DYM: variants seen among roughly 807,000 people sequenced by gnomAD.
DYM encodes the protein dymeclin.
A neutral mutation model predicts 93.1 loss-of-function variants in DYM; 78 were observed. The observed-to-expected ratio is 0.84, with a 90% confidence interval of 0.70 to 1.01. The LOEUF (loss-of-function observed/expected upper bound fraction) is 1.01. Among genes scored for constraint, DYM ranks in the 50% least tolerant of loss-of-function variants. DYM has a pLI of 0.00. For missense variants in DYM, 789 were observed against 845.0 expected (o/e 0.93, Z 0.82); for synonymous variants, 321 against 319.7 (o/e 1.00, Z -0.04).
At chr18:49,433,180 A>C (rs187909580) in intron 1 of DYM, among the ~76,000 whole-genome samples, 51 of 152,338 alleles carry the variant, frequency 3.3e-4, no homozygotes, top group Admixed American at 3.3e-3. Flanking sequence ...CCAGGAGAAG[A>C]AAGCATAGAA....
At chr18:49,249,944 A>G (rs536687406) in intron 13 of DYM, among the ~76,000 whole-genome samples, 19 of 152,350 alleles carry the variant, frequency 1.2e-4, no homozygotes, top group Non-Finnish European at 2.4e-4. Context: ...AACCTAATCT[A>G]TACTTTGTAT....
chr18:49,407,040 T>C lies in DYM; in HGVS notation c.141-15395A>G, dbSNP rs544813341. On this transcript the variant is annotated intron_variant, in intron 2 of 17. Transcript: ENST00000675505. ...AAAAGGAATGAACAAGTGAGATCCA[T>C]AACAACTTCAATGGATTTCAAGACA... Among the ~76,000 whole-genome samples, 4 of 152,292 alleles carry C rather than the reference T, an allele frequency of 2.6e-5. No homozygotes were observed. The South Asian group carries it at 8.3e-4, about 32-fold the overall frequency.
chr18:49,359,848 A>ATT lies in DYM; in HGVS notation c.494+3311_494+3312dup, dbSNP rs1374888954. The ATT allele has an allele frequency of 2.0e-5, 3 of 152,214 alleles. No individual in the cohort carries two copies. In the East Asian group the frequency reaches 5.8e-4, roughly 29 times the overall value. 9.4% of individuals were successfully genotyped at this position (152,214 alleles called of 1,614,324 possible). A position where few individuals can be genotyped will look rare whatever the true frequency, so the allele number is the denominator to read the frequency against. ...GTGAGAGCATTCGTGGTTTGCATAT[A>ATT]TTCCTATTTCCTCTTAAATTATACA... On this transcript the variant is annotated intron_variant, in intron 6 of 17. Transcript: ENST00000675505.
intron 14 of DYM, among the ~76,000 whole-genome samples, chr18:49,176,574 C>CTTTTTTTT (rs36121103): frequency 1.0e-5 from 1 of 99,438 alleles, no homozygotes; most frequent in Non-Finnish European, 2.0e-5. Flanking sequence ...CCAAGCCTGG[C>CTTTTTTTT]TTTTTTTTTT....
chr18:49,421,213 T>C (rs891144517), intron 2 of DYM, among the ~76,000 whole-genome samples: 3 of 152,236 alleles, frequency 2.0e-5, no homozygotes, highest in Non-Finnish European at 4.4e-5. Context: ...AGTGGGTCCC[T>C]GACCCCTGAG....
chr18:49,390,192 G>A (rs575505192), intron 3 of DYM, among the ~76,000 whole-genome samples: 7 of 152,316 alleles, frequency 4.6e-5, no homozygotes, highest in South Asian at 2.1e-4. Context: ...GGGGTCCAAG[G>A]TAGGAGGAGG....
intron 13 of DYM, among the ~76,000 whole-genome samples, chr18:49,229,563 C>G (rs1178811456): frequency 6.6e-6 from 1 of 152,094 alleles, no homozygotes; most frequent in Non-Finnish European, 1.5e-5. Flanking sequence ...CAAATTAAAA[C>G]CATGAGTGAG....
chr18:49,377,306 T>C (rs1022073395), intron 5 of DYM, among the ~76,000 whole-genome samples: 7 of 152,200 alleles, frequency 4.6e-5, no homozygotes, highest in Non-Finnish European at 5.9e-5. Flanking sequence ...ATGCCTGTAA[T>C]CCCAGCACTT....
Position 49,118,630 on chromosome 18 carries a change from G to C in DYM, c.1911+114C>G, listed in dbSNP as rs902194401. ...TATAGTAAAATAGACTGCAAATACA[G>C]TTAATGTTGAAAGAAGAAACTCTTA... On this transcript the variant is annotated intron_variant, in intron 16 of 17. Coordinates refer to ENST00000675505, the MANE Select transcript of DYM (RefSeq NM_001353214.3). 3.0e-6 allele frequency: 3 copies of C among 991,374 alleles called. No individual in the cohort carries two copies. In the African/African-American group the frequency reaches 4.8e-5, roughly 16 times the overall value. 61.4% of individuals were successfully genotyped at this position (991,374 alleles called of 1,614,324 possible). A position where few individuals can be genotyped will look rare whatever the true frequency, so the allele number is the denominator to read the frequency against.
intron 15 of DYM, among the ~76,000 whole-genome samples, chr18:49,162,510 T>C (rs971714497): frequency 2.6e-5 from 4 of 152,090 alleles, no homozygotes; most frequent in Non-Finnish European, 5.9e-5. Context: ...CACTAATCTA[T>C]TGATCCATGA....
chr18:49,328,819 T>C (rs540636563), intron 8 of DYM, among the ~76,000 whole-genome samples: 2 of 152,150 alleles, frequency 1.3e-5, no homozygotes, highest in Non-Finnish European at 2.9e-5. Context: ...ATAGGAACAC[T>C]TTTACACTGT....
At chr18:49,459,431 A>G (rs550735131) in intron 1 of DYM, among the ~76,000 whole-genome samples, 12 of 152,070 alleles carry the variant, frequency 7.9e-5, no homozygotes, top group African/African-American at 2.7e-4. Flanking sequence ...CCATTCACCC[A>G]TTCCTATAGA....
intron 2 of DYM, among the ~76,000 whole-genome samples, chr18:49,406,936 T>C (rs1300657518): frequency 6.6e-6 from 1 of 152,204 alleles, no homozygotes; most frequent in East Asian, 1.9e-4. Flanking sequence ...AAAGTGGTAA[T>C]GATCCAAATG....
At chr18:49,066,190 T>G (rs946747003) in intron 17 of DYM, among the ~76,000 whole-genome samples, 12 of 151,470 alleles carry the variant, frequency 7.9e-5, no homozygotes, top group African/African-American at 2.7e-4. Flanking sequence ...TGAACACTTA[T>G]GGAATTACTG....
chr18:49,197,115 G>A (rs2091527335), intron 14 of DYM, among the ~76,000 whole-genome samples: 1 of 151,982 alleles, frequency 6.6e-6, no homozygotes, highest in African/African-American at 2.4e-5. Context: ...GAGTTCTCTT[G>A]GGAGATGGGA....
chr18:49,079,918 G>T (rs1411540668), intron 17 of DYM, among the ~76,000 whole-genome samples: 2 of 151,338 alleles, frequency 1.3e-5, no homozygotes, highest in African/African-American at 4.8e-5. Context: ...TGAGCTGTTG[G>T]GTACACCTCC....
chr18:49,099,975 G>T (rs750504505), intron 16 of DYM, among the ~76,000 whole-genome samples: 23 of 152,172 alleles, frequency 1.5e-4, no homozygotes, highest in Non-Finnish European at 2.8e-4. Flanking sequence ...TTTCGTGAGG[G>T]TTTAACTAAA....
At chr18:49,343,210 G>A (rs777303010) in intron 6 of DYM, among the ~76,000 whole-genome samples, 2 of 152,054 alleles carry the variant, frequency 1.3e-5, no homozygotes, top group African/African-American at 4.8e-5. Flanking sequence ...AATAAAACTC[G>A]GAGTCCTTAA....
At chr18:49,370,280 G>GAAAAA (rs35985394) in intron 5 of DYM, among the ~76,000 whole-genome samples, 2 of 121,034 alleles carry the variant, frequency 1.7e-5, no homozygotes, top group African/African-American at 7.0e-5. Context: ...CTCCATCTCA[G>GAAAAA]AAAAAAAAAA....
Sources: gnomAD v4.1 joint callset for allele counts (sites outside exome capture counted in the v4.1 genomes callset) on GRCh38, gnomAD v4.1.1 for gene constraint, MANE v1.5 for transcripts, NCBI Gene and HGNC (gene_info 2026-07-23, HGNC 2026-07-21) for gene names.